EBF1: variants seen among roughly 807,000 people sequenced by gnomAD.
EBF1 encodes EBF transcription factor 1, also known as transcription factor COE1.
Under a neutral mutation model 68.4 loss-of-function variants are expected in EBF1, and 10 were observed. The observed-to-expected ratio is 0.15, with a 90% CI of 0.09 to 0.25. The LOEUF (loss-of-function observed/expected upper bound fraction) is 0.25. Among genes scored for constraint, EBF1 ranks in the 10% least tolerant of loss-of-function variants. The pLI is 1.00. For missense variants in EBF1, 509 were observed against 794.4 expected, an observed-to-expected ratio of 0.64 and a Z score of 4.32; for synonymous variants, 298 against 299.8, an observed-to-expected ratio of 0.99 and a Z score of 0.06.
intron 15 of EBF1, among the ~76,000 whole-genome samples, chr5:158,701,120 G>A (rs537145454): frequency 2.6e-5 from 4 of 152,278 alleles, no homozygotes; most frequent in Non-Finnish European, 5.9e-5. Context: ...GTGGGTCCAG[G>A]CACCTTTATT....
intron 6 of EBF1, among the ~76,000 whole-genome samples, chr5:158,973,761 A>C (rs1756137343): frequency 6.6e-6 from 1 of 152,152 alleles, no homozygotes; most frequent in African/African-American, 2.4e-5. Flanking sequence ...AAATTAATTC[A>C]TATTCTATTC....
intron 6 of EBF1, among the ~76,000 whole-genome samples, chr5:159,022,025 A>G (rs1193059525): frequency 7.2e-6 from 1 of 139,616 alleles, no homozygotes; most frequent in African/African-American, 2.7e-5. Flanking sequence ...TCTTAAGGGC[A>G]TAGCTTTAAA....
chr5:159,033,714 G>T (rs1259869775), intron 6 of EBF1, among the ~76,000 whole-genome samples: 2 of 152,106 alleles, frequency 1.3e-5, no homozygotes, highest in African/African-American at 4.8e-5. Flanking sequence ...ATTAATGATT[G>T]CCCCAAAGTT....
At chr5:158,745,295 T>C (rs546294048) in intron 10 of EBF1, among the ~76,000 whole-genome samples, 2 of 152,336 alleles carry the variant, frequency 1.3e-5, no homozygotes, top group Admixed American at 1.3e-4. Flanking sequence ...AAACCAATTT[T>C]GAAAAGCAAG....
In EBF1 at chr5:158,840,937, C is replaced by T. The variant is rs968406888; in HGVS notation, c.555-827G>A. Among the ~76,000 whole-genome samples the T allele has an allele frequency of 2.0e-5, 3 of 151,948 alleles. No individual in the cohort carries two copies. In the East Asian group the frequency reaches 5.8e-4, roughly 29 times the overall value. On this transcript the variant is annotated intron_variant, in intron 6 of 15. Transcript: ENST00000313708. ...CCGCCCGCCTCGGCCTCCCAAAGTGCTGGGATTACAGGCGTGAGCCACCGC... is the reference window on the plus strand; with the variant it reads ...CCGCCCGCCTCGGCCTCCCAAAGTGTTGGGATTACAGGCGTGAGCCACCGC...
intron 6 of EBF1, among the ~76,000 whole-genome samples, chr5:158,931,350 T>C (rs1810852573): frequency 6.6e-6 from 1 of 152,252 alleles, no homozygotes; most frequent in African/African-American, 2.4e-5. Flanking sequence ...ATTTTGTCAA[T>C]ACACTTAACT....
chr5:158,882,148 G>T (rs1799020407), intron 6 of EBF1, among the ~76,000 whole-genome samples: 1 of 152,168 alleles, frequency 6.6e-6, no homozygotes, highest in African/African-American at 2.4e-5. Flanking sequence ...ACTGTGCAAG[G>T]ATTTTATTGC....
chr5:159,082,278 G>C (rs1779875479), intron 5 of EBF1, among the ~76,000 whole-genome samples: 1 of 152,008 alleles, frequency 6.6e-6, no homozygotes, highest in Non-Finnish European at 1.5e-5. Context: ...GTTTTATTGT[G>C]CCGTTAGCTT....
intron 6 of EBF1, among the ~76,000 whole-genome samples, chr5:159,020,399 G>A (rs566506999): frequency 3.3e-5 from 5 of 152,298 alleles, no homozygotes; most frequent in Admixed American, 2.0e-4. Context: ...GGACTTGGCA[G>A]AAACAAGGCT....
intron 6 of EBF1, among the ~76,000 whole-genome samples, chr5:159,047,841 T>G (rs570463400): frequency 6.6e-6 from 1 of 152,308 alleles, no homozygotes; most frequent in African/African-American, 2.4e-5. Flanking sequence ...CTGTCTGAAC[T>G]TTTTCTCTCA....
intron 6 of EBF1, among the ~76,000 whole-genome samples, chr5:158,863,738 T>C (rs1000457219): frequency 3.9e-5 from 6 of 152,190 alleles, no homozygotes; most frequent in African/African-American, 1.4e-4. Context: ...ATTTTTTTCA[T>C]AAAATGCAGA....
chr5:158,707,384 T>C (rs974515056), intron 15 of EBF1, among the ~76,000 whole-genome samples: 1 of 152,262 alleles, frequency 6.6e-6, no homozygotes, highest in African/African-American at 2.4e-5. Flanking sequence ...AATTTTAATA[T>C]GAATCAGAAT....
At chr5:158,788,415 A>G (rs1015727193) in intron 9 of EBF1, among the ~76,000 whole-genome samples, 1 of 152,202 alleles carries the variant, frequency 6.6e-6, no homozygotes, top group Non-Finnish European at 1.5e-5. Flanking sequence ...CTGCAGGTAC[A>G]AGGAGCAGCT....
At chr5:158,819,871 C>T (rs570930295) in intron 8 of EBF1, among the ~76,000 whole-genome samples, 3 of 152,236 alleles carry the variant, frequency 2.0e-5, no homozygotes, top group East Asian at 3.9e-4. Flanking sequence ...CCATTTTCCA[C>T]GATCTATAGC....
chr5:158,869,537 AGTGTTCTCTTTTT>A (rs1796504421), intron 6 of EBF1, among the ~76,000 whole-genome samples: 1 of 151,136 alleles, frequency 6.6e-6, no homozygotes, highest in African/African-American at 2.4e-5. Flanking sequence ...CTATATTAGT[AGTGTTCTCTTTTT>A]TTTCCCTAAT....
At chr5:158,796,841 T>C (rs1252783760) in intron 8 of EBF1, among the ~76,000 whole-genome samples, 1 of 152,210 alleles carries the variant, frequency 6.6e-6, no homozygotes, top group Non-Finnish European at 1.5e-5. Flanking sequence ...AATTGCTTCA[T>C]AGTTAAATAT....
Position 158,996,452 on chromosome 5 carries a change from G to C in EBF1, c.554+76944C>G, listed in dbSNP as rs541017601. 9.2e-5 allele frequency among the ~76,000 whole-genome samples: 14 copies of C among 152,280 alleles called. No individual in the cohort carries two copies. The East Asian group carries it at 2.7e-3, about 29-fold the overall frequency. On this transcript the variant is annotated intron_variant, in intron 6 of 15. Transcript: ENST00000313708. ...AGTTGTGATTTCTGTCTTTTACCCA[G>C]AAGTAAGGGGCAAAGGATATTGTTT...
At chr5:159,003,687 CATTCA>C (rs1397046431) in intron 6 of EBF1, among the ~76,000 whole-genome samples, 1 of 152,206 alleles carries the variant, frequency 6.6e-6, no homozygotes, top group Admixed American at 6.5e-5. Flanking sequence ...CAACAGCTTA[CATTCA>C]TTGAGGACTG....
intron 6 of EBF1, among the ~76,000 whole-genome samples, chr5:159,064,295 C>T (rs1267291526): frequency 6.6e-6 from 1 of 151,722 alleles, no homozygotes; most frequent in Non-Finnish European, 1.5e-5. Flanking sequence ...CTGTGGATAG[C>T]AAGAAAAATG....
Sources: gnomAD v4.1 joint callset for allele counts (sites outside exome capture counted in the v4.1 genomes callset) on GRCh38, gnomAD v4.1.1 for gene constraint, MANE v1.5 for transcripts, NCBI Gene and HGNC (gene_info 2026-07-23, HGNC 2026-07-21) for gene names.